Variants in AHCTF1 observed in about 807,000 individuals in gnomAD.
The protein encoded by AHCTF1 is AT-hook containing transcription factor 1.
AHCTF1 carries 24 observed loss-of-function variants against 248.4 expected under a neutral mutation model. The observed-to-expected ratio is 0.10, with a 90% CI of 0.07 to 0.14. The LOEUF is 0.14. AHCTF1 is among the 10% of genes least tolerant of loss of function. The pLI, the probability that AHCTF1 is intolerant of heterozygous loss-of-function variation, is 1.00. For missense variants in AHCTF1, 2,206 were observed against 2,636.2 expected, an observed-to-expected ratio of 0.84 and a Z score of 3.57; for synonymous variants, 786 against 929.8, an observed-to-expected ratio of 0.85 and a Z score of 2.81.
At chr1:246,877,482 T>C (rs1438835098) in intron 21 of AHCTF1, among the ~76,000 whole-genome samples, 180 bp from the exon 22 acceptor site, 7 of 152,170 alleles carry the variant, frequency 4.6e-5, no homozygotes, top group African/African-American at 1.7e-4. Flanking sequence ...AGAATGTCAG[T>C]AAAATGACAC....
At position 246,851,703 on chromosome 1, in the gene AHCTF1, C is replaced by A. The variant is rs1660730940; in HGVS notation, c.4564-261G>T. 6.6e-6 allele frequency among the ~76,000 whole-genome samples: 1 copy of A among 152,030 alleles called. No homozygotes were observed. The highest frequency in any genetic ancestry group is 2.1e-4 in the South Asian group (1 of 4,818). ...ACATTTCCCTAGCTAAAAAGACAGT[C>A]AACAAAAGCTTGAAAATTATGATGC... On this transcript the variant is annotated intron_variant, in intron 32 of 35. Transcript: ENST00000648844.
At position 246,887,289 on chromosome 1, in the gene AHCTF1, G is replaced by A. The variant is rs1663885197; in HGVS notation, c.2394C>T (p.Phe798=). Residue 798 remains phenylalanine (F), a synonymous_variant, in exon 20 of 36, where the codon TTC becomes TTT. Transcript: ENST00000648844. ...CCCAAGAAATGGCAAATACAGTTGGGAAAGATTCAATGGGAGTGTCTGTTT... is the reference window on the plus strand; with the variant it reads ...CCCAAGAAATGGCAAATACAGTTGGAAAAGATTCAATGGGAGTGTCTGTTT... ...PNKTDTPIES[F]PTVFAISWGQ... 1.9e-6 allele frequency: 3 copies of A among 1,613,414 alleles called. No individual in the cohort carries two copies. Among genetic ancestry groups the A allele is most frequent in the South Asian group, 2.2e-5 (2 of 90,990 alleles).
intron 13 of AHCTF1, among the ~76,000 whole-genome samples, chr1:246,895,080 T>C (rs1011742870): frequency 1.3e-5 from 2 of 151,730 alleles, no homozygotes; most frequent in Non-Finnish European, 2.9e-5. Context: ...ATGTACAAGA[T>C]TAAGGGAAAT....
At chr1:246,878,396 CAAAAAAAAAAAAAA>C (rs1199465751) in intron 21 of AHCTF1, among the ~76,000 whole-genome samples, 615 of 30,796 alleles carry the variant, frequency 0.02, 14 homozygotes, top group Admixed American at 0.058. Flanking sequence ...GATTCTGTCT[CAAAAAAAAAAAAAA>C]AAAAAAAAAA....
rs769419285 is a variant in AHCTF1, at chr1:246,850,455, C to G, written c.5551G>C (p.Glu1851Gln). 3 of 1,591,452 alleles carry G rather than the reference C, an allele frequency of 1.9e-6. No individual in the cohort carries two copies. The highest frequency in any genetic ancestry group is 2.7e-5 in the African/African-American group (2 of 73,376). ...TTAGTAGTTTCTTCAACTGCTGGTT[C>G]CAACAGCTGAGATGATTTTAATCTT... is the stretch of plus-strand genomic sequence containing the variant. ...SKRLKSSQLL[E>Q]PAVEETTKKE... is the part of the protein sequence containing the mutation. The change falls in exon 33 of 36, where the codon GAA becomes CAA. Residue 1851 changes from glutamate (E) to glutamine (Q), a missense_variant. By Grantham distance (29) the Glu-to-Gln change is conservative. This residue lies in a region of AHCTF1 where 29 missense variants were observed against 57.1 expected (regional missense o/e 0.51). Coordinates refer to ENST00000648844, the MANE Select transcript of AHCTF1 (RefSeq NM_001323342.2).
At chr1:246,909,394 CAAAAAAAA>C (rs55998210) in intron 4 of AHCTF1, among the ~76,000 whole-genome samples, 15 of 62,380 alleles carry the variant, frequency 2.4e-4, no homozygotes, top group Non-Finnish European at 3.7e-4. Flanking sequence ...TCCAGCCTCT[CAAAAAAAA>C]AAAAAAAAAA....
intron 24 of AHCTF1, among the ~76,000 whole-genome samples, chr1:246,872,297 G>A (rs1411250131): frequency 6.6e-6 from 1 of 152,068 alleles, no homozygotes; most frequent in African/African-American, 2.4e-5. Context: ...TGTCCAGCTG[G>A]GGTGGCACGC....
chr1:246,897,071 T>C (rs1349032733), intron 12 of AHCTF1, among the ~76,000 whole-genome samples: 3 of 152,190 alleles, frequency 2.0e-5, no homozygotes, highest in African/African-American at 7.2e-5. Flanking sequence ...CCCAGCACTT[T>C]GGGAGGCCGA....
chr1:246,914,993 G>A (rs1666044419), intron 3 of AHCTF1, among the ~76,000 whole-genome samples: 1 of 152,172 alleles, frequency 6.6e-6, no homozygotes, highest in Non-Finnish European at 1.5e-5. Flanking sequence ...TATCCTCGCT[G>A]ACCCAATCCA....
Position 246,913,256 on chromosome 1 carries a change from T to C in AHCTF1, c.532A>G (p.Asn178Asp). 1 of 1,607,830 alleles carries C rather than the reference T, an allele frequency of 6.2e-7. No homozygotes were observed. The change falls in exon 4 of 36, where the codon AAT (asparagine) becomes GAT (aspartate). Residue 178 changes from asparagine (N) to aspartate (D), a missense_variant. Physicochemically the swap from Asn to Asp is conservative, Grantham distance 23. Transcript: ENST00000648844. ...VDLCLDDLSC[N>D]QNEVEASDLE... ...CCTGATGCTTCAACTTCATTTTGAT[T>C]GCATGACAAGTCATCCAAACATAGG...
chr1:246,913,613 C>T (rs897530216), intron 3 of AHCTF1, among the ~76,000 whole-genome samples: 2 of 152,134 alleles, frequency 1.3e-5, no homozygotes, highest in Non-Finnish European at 2.9e-5. Context: ...ATAGAAAAAT[C>T]ACGCAGTTGG....
chr1:246,841,846 C>T (rs1397892447), intron 35 of AHCTF1, among the ~76,000 whole-genome samples: 1 of 152,058 alleles, frequency 6.6e-6, no homozygotes, highest in Non-Finnish European at 1.5e-5. Flanking sequence ...GGCTGGAGTG[C>T]AGTGGCGTGA....
intron 29 of AHCTF1, 54 bp downstream of exon 29, chr1:246,860,845 A>C: frequency 6.4e-7 from 1 of 1,560,922 alleles, no homozygotes; most frequent in Non-Finnish European, 8.7e-7. Flanking sequence ...TCTATTATAA[A>C]CTTTATTGAG....
intron 1 of AHCTF1, among the ~76,000 whole-genome samples, chr1:246,922,807 CCT>C (rs1199081651): frequency 9.3e-5 from 14 of 150,186 alleles, no homozygotes; most frequent in South Asian, 6.3e-4. Flanking sequence ...ACGGTGAAAC[CCT>C]GTCTCTACTA....
intron 1 of AHCTF1, among the ~76,000 whole-genome samples, chr1:246,924,405 C>T (rs1572476952): frequency 6.6e-6 from 1 of 152,010 alleles, no homozygotes; most frequent in East Asian, 1.9e-4. Flanking sequence ...TTGTGTGATG[C>T]AAATTTGTGA....
intron 1 of AHCTF1, among the ~76,000 whole-genome samples, chr1:246,925,026 A>G (rs1666833734): frequency 6.6e-6 from 1 of 152,186 alleles, no homozygotes; most frequent in Non-Finnish European, 1.5e-5. Flanking sequence ...ACAGATGGAA[A>G]AGGCCAGAAT....
rs1437762864 is a variant in AHCTF1, at chr1:246,850,674, T to C, written c.5332A>G (p.Lys1778Glu). ...PGQSVRKKTRKAKEISEASEN... is the reference protein window; with the variant it reads ...PGQSVRKKTREAKEISEASEN... ...GAAGCTTCAGAAATTTCTTTTGCCT[T>C]CCTAGTTTTCTTCCTGACTGACTGC... Residue 1778 changes from lysine to glutamate, a missense_variant, in exon 33 of 36, where the codon AAG becomes GAG. Transcript: ENST00000648844. 12 of 1,613,992 alleles carry C rather than the reference T, an allele frequency of 7.4e-6. No homozygotes were observed. In the South Asian group the frequency reaches 1.3e-4, roughly 18 times the overall value.
rs1013378551 is a variant in AHCTF1, at chr1:246,927,866, G to A, written c.-8+3712C>T. Reference sequence around the variant, plus strand: ...AAAAATACAAAAATTAGCTGGGCGCGGTAGCGCGCTGTAGTCCCAGCTACT... The same window carrying A: ...AAAAATACAAAAATTAGCTGGGCGCAGTAGCGCGCTGTAGTCCCAGCTACT... On this transcript the variant is annotated intron_variant, in intron 1 of 35. Coordinates refer to ENST00000648844, the MANE Select transcript of AHCTF1 (RefSeq NM_001323342.2). 1.2e-4 allele frequency among the ~76,000 whole-genome samples: 17 copies of A among 140,762 alleles called. 1 individual carries two copies. Among genetic ancestry groups the A allele is most frequent in the South Asian group, 9.3e-4 (4 of 4,310 alleles). The allele number at this position is 140,762 out of a possible 152,430, so 92.3% of individuals were successfully genotyped here. A position where few individuals can be genotyped will look rare whatever the true frequency, so the allele number is the denominator to read the frequency against.
At chr1:246,931,440 CA>C in intron 1 of AHCTF1, 137 bp downstream of exon 1, 1 of 1,358,722 alleles carries the variant, frequency 7.4e-7, no homozygotes, top group East Asian at 3.0e-5. Flanking sequence ...TGGCCCCGCG[CA>C]CGCCCGGCCT....
Sources: allele counts gnomAD v4.1 joint callset (sites outside exome capture counted in the v4.1 genomes callset), GRCh38; gene constraint gnomAD v4.1.1; regional missense constraint gnomAD v4.1.1; transcripts MANE v1.5; gene names NCBI Gene and HGNC (gene_info 2026-07-23, HGNC 2026-07-21).